TBL1X: variants seen among roughly 807,000 people sequenced by gnomAD.
The protein encoded by TBL1X is F-box-like/WD repeat-containing protein TBL1X.
A neutral mutation model predicts 50.7 loss-of-function variants in TBL1X; 10 were observed. The observed-to-expected ratio is 0.20, with a 90% CI of 0.12 to 0.33. The LOEUF is 0.33. Among genes scored for constraint, TBL1X ranks in the 10% least tolerant of loss-of-function variants. The pLI is 1.00. For synonymous variants in TBL1X, 190 were observed against 214.7 expected, an observed-to-expected ratio of 0.88 and a Z score of 1.01; for missense variants, 340 against 504.4, an observed-to-expected ratio of 0.67 and a Z score of 3.12.
intron 2 of TBL1X, among the ~76,000 whole-genome samples, chrX:9,527,834 G>T (rs1434160303): frequency 9.0e-6 from 1 of 110,819 alleles, no homozygotes; most frequent in Admixed American, 9.6e-5. Flanking sequence ...GTGGAGCAGG[G>T]TCTTGCTCTG....
intron 2 of TBL1X, among the ~76,000 whole-genome samples, chrX:9,564,390 G>A (rs991406164): frequency 1.8e-5 from 2 of 109,404 alleles, no homozygotes; most frequent in Non-Finnish European, 3.8e-5. Flanking sequence ...CTCAAACAAA[G>A]GTGTTTTCAG....
chrX:9,603,390 G>A (rs1445723365), intron 2 of TBL1X, among the ~76,000 whole-genome samples: 2 of 112,834 alleles, frequency 1.8e-5, no homozygotes, highest in Admixed American at 1.9e-4. Context: ...GTGTATGGCA[G>A]TGTGTATATT....
intron 2 of TBL1X, among the ~76,000 whole-genome samples, chrX:9,620,673 A>G (rs141947300): frequency 0.01 from 1,139 of 111,946 alleles, 18 homozygotes; most frequent in African/African-American, 0.035. Context: ...AACTGAGGGA[A>G]AACACAGGCC....
intron 2 of TBL1X, among the ~76,000 whole-genome samples, chrX:9,596,768 C>G (rs1352003500): frequency 9.0e-6 from 1 of 111,198 alleles, no homozygotes; most frequent in Non-Finnish European, 1.9e-5. Flanking sequence ...GTGACTCCTG[C>G]GAGCTGCCTT....
intron 2 of TBL1X, among the ~76,000 whole-genome samples, chrX:9,624,465 T>C (rs1307706110): frequency 8.9e-6 from 1 of 112,345 alleles, no homozygotes; most frequent in Admixed American, 9.5e-5. Context: ...GGTGCCTATA[T>C]AATTTACATT....
intron 2 of TBL1X, among the ~76,000 whole-genome samples, chrX:9,522,740 A>G (rs970313383): frequency 1.8e-5 from 2 of 111,616 alleles, no homozygotes; most frequent in Non-Finnish European, 3.8e-5. Flanking sequence ...AGTGGAGTTC[A>G]TTGCCCCCAC....
At chrX:9,684,484 G>A (rs763951418) in intron 6 of TBL1X, among the ~76,000 whole-genome samples, 12 of 107,515 alleles carry the variant, frequency 1.1e-4, no homozygotes, top group Admixed American at 4.1e-4. Flanking sequence ...GCTCTCGGGA[G>A]GCTGAGGTGA....
chrX:9,528,975 T>C (rs1159649714), intron 2 of TBL1X, among the ~76,000 whole-genome samples: 1 of 112,182 alleles, frequency 8.9e-6, no homozygotes, highest in African/African-American at 3.2e-5. Flanking sequence ...TCCCACCTGT[T>C]GTTGGCTGTT....
chrX:9,693,382 G>C lies in TBL1X; in HGVS notation c.1016G>C (p.Arg339Pro), dbSNP rs1250166555. 1.7e-6 allele frequency: 2 copies of C among 1,209,862 alleles called. No homozygotes were observed. The highest frequency in any genetic ancestry group is 3.5e-5 in the South Asian group (2 of 56,583). Residue 339 changes from arginine (R) to proline (P), a missense_variant, in exon 11 of 18, where the codon CGA becomes CCA. Arg to Pro is a moderately radical substitution (Grantham distance 103). Transcript: ENST00000645353. ...CCCATCTTTGCCTTGAAATGGAACC[G>C]AAAGGGGAATTACATTTTGAGTGCT... ...KGPIFALKWN[R>P]KGNYILSAGV... is the part of the protein sequence containing the mutation.
In TBL1X at chrX:9,598,914, T is replaced by TTTTTG. The variant is rs1555898906; in HGVS notation, c.-130-41329_-130-41325dup. Among the ~76,000 whole-genome samples, 68 of 98,362 alleles carry TTTTTG rather than the reference T, an allele frequency of 6.9e-4. 1 individual carries two copies. The highest frequency in any genetic ancestry group is 2.3e-3 in the South Asian group (5 of 2,129). The allele number at this position is 98,362 out of a possible 115,157, so 85.4% of individuals were successfully genotyped here. A position where few individuals can be genotyped will look rare whatever the true frequency, so the allele number is the denominator to read the frequency against. On this transcript the variant is annotated intron_variant, in intron 2 of 17. Coordinates refer to ENST00000645353, the MANE Select transcript of TBL1X (RefSeq NM_005647.4). ...CAAATTTCCATCCCCCTACCTTTTT[T>TTTTTG]TTTTGTTTTGTTTTGTTTTGTTTTG...
chrX:9,464,707 C>G (rs1280019236), upstream of TBL1X, among the ~76,000 whole-genome samples: 1 of 111,469 alleles, frequency 9.0e-6, no homozygotes, highest in Non-Finnish European at 1.9e-5. Flanking sequence ...CCCTGGGGTC[C>G]TCTCAGTCCC....
At chrX:9,492,836 AGGGTGTGTGTGT>A (rs1242990819) in intron 1 of TBL1X, among the ~76,000 whole-genome samples, 1 of 80,578 alleles carries the variant, frequency 1.2e-5, no homozygotes, top group East Asian at 4.5e-4. Context: ...TTGGGGCTAG[AGGGTGTGTGTGT>A]GTGTGTGTGT....
At chrX:9,585,340 T>TCCCCCC (rs397840236) in intron 2 of TBL1X, among the ~76,000 whole-genome samples, 479 of 57,829 alleles carry the variant, frequency 8.3e-3, no homozygotes, top group East Asian at 0.013. Context: ...CCCCCTCCCC[T>TCCCCCC]CCCCCCCCCG....
intron 2 of TBL1X, among the ~76,000 whole-genome samples, chrX:9,514,321 T>C (rs916275332): frequency 2.3e-4 from 19 of 83,859 alleles, no homozygotes; most frequent in Non-Finnish European, 3.3e-4. Context: ...AAACCCCACA[T>C]GACACTGTGA....
chrX:9,570,682 T>G (rs1163877370), intron 2 of TBL1X, among the ~76,000 whole-genome samples: 4 of 96,971 alleles, frequency 4.1e-5, no homozygotes, highest in Non-Finnish European at 8.3e-5. Context: ...CTTTTTGTTT[T>G]TTTTTTTTTT....
At chrX:9,564,942 A>G (rs945776061) in intron 2 of TBL1X, among the ~76,000 whole-genome samples, 4 of 109,693 alleles carry the variant, frequency 3.6e-5, no homozygotes, top group Non-Finnish European at 5.7e-5. Context: ...ACAGAGGCAA[A>G]TAATAATTCT....
At chrX:9,556,324 C>T (rs1482256391) in intron 2 of TBL1X, among the ~76,000 whole-genome samples, 3 of 110,896 alleles carry the variant, frequency 2.7e-5, no homozygotes, top group Non-Finnish European at 5.7e-5. Flanking sequence ...TAACAAACTA[C>T]CACAAACCTA....
chrX:9,494,037 T>C (rs1233683394), intron 1 of TBL1X, among the ~76,000 whole-genome samples: 7 of 111,729 alleles, frequency 6.3e-5, no homozygotes, highest in African/African-American at 2.3e-4. Context: ...TCTTCGAGAC[T>C]GTTCACAGCC....
chrX:9,662,498 G>A (rs770089909), intron 5 of TBL1X, among the ~76,000 whole-genome samples: 1 of 112,325 alleles, frequency 8.9e-6, no homozygotes, highest in East Asian at 2.8e-4. Context: ...ACTTAGAAGG[G>A]ATACCTCGAG....
Sources: gnomAD v4.1 joint callset for allele counts (sites outside exome capture counted in the v4.1 genomes callset) on GRCh38, gnomAD v4.1.1 for gene constraint, MANE v1.5 for transcripts, NCBI Gene and HGNC (gene_info 2026-07-23, HGNC 2026-07-21) for gene names.